Variants in RRAGD observed in about 807,000 individuals in gnomAD.
RRAGD encodes the protein Ras related GTP binding D, also known as ras-related GTP-binding protein D.
Under a neutral mutation model 35.5 loss-of-function variants are expected in RRAGD, and 12 were observed. The ratio of observed to expected loss-of-function variants is 0.34; its 90% CI spans 0.22 to 0.55. The LOEUF is 0.55. Among genes scored for constraint, RRAGD ranks in the 20% least tolerant of loss-of-function variants. RRAGD has a pLI of 0.91. For missense variants in RRAGD, 324 were observed against 490.1 expected, an observed-to-expected ratio of 0.66 and a Z score of 3.20; for synonymous variants, 155 against 178.9, an observed-to-expected ratio of 0.87 and a Z score of 1.07.
intron 1 of RRAGD, among the ~76,000 whole-genome samples, chr6:89,397,480 CT>C (rs1769359677): frequency 6.6e-6 from 1 of 152,012 alleles, no homozygotes; most frequent in Non-Finnish European, 1.5e-5. Context: ...CTGTAAACAC[CT>C]GTAGTCCAGC....
intron 1 of RRAGD, among the ~76,000 whole-genome samples, chr6:89,403,360 G>C (rs1769512336): frequency 6.6e-6 from 1 of 152,040 alleles, no homozygotes; most frequent in East Asian, 1.9e-4. Context: ...CAGGAGAATG[G>C]CGTGAACCCA....
intron 1 of RRAGD, among the ~76,000 whole-genome samples, chr6:89,400,937 T>G (rs1423664747): frequency 6.6e-6 from 1 of 152,154 alleles, no homozygotes; most frequent in Non-Finnish European, 1.5e-5. Flanking sequence ...TTGTTCTAAT[T>G]TCAGGAAGGT....
At chr6:89,409,367 C>T (rs959323975) in intron 1 of RRAGD, among the ~76,000 whole-genome samples, 1 of 152,178 alleles carries the variant, frequency 6.6e-6, no homozygotes, top group Non-Finnish European at 1.5e-5. Flanking sequence ...TCCCACGTCT[C>T]CACTAAGTGC....
At chr6:89,376,288 CCA>C (rs1404991664) in intron 5 of RRAGD, among the ~76,000 whole-genome samples, 1 of 138,480 alleles carries the variant, frequency 7.2e-6, no homozygotes, top group Non-Finnish European at 1.5e-5. Flanking sequence ...GTATCACTTT[CCA>C]TGTGTGTGTG....
At position 89,389,745 on chromosome 6, in the gene RRAGD, T is replaced by C. The variant is rs148397515; in HGVS notation, c.149-2155A>G. Among the ~76,000 whole-genome samples the C allele has an allele frequency of 9.9e-5, 15 of 152,274 alleles. No homozygotes were observed. The East Asian group carries it at 2.9e-3, about 29-fold the overall frequency. On this transcript the variant is annotated intron_variant, in intron 1 of 6. Coordinates refer to ENST00000369415, the MANE Select transcript of RRAGD (RefSeq NM_021244.5). The stretch of plus-strand genomic sequence containing the variant: ...ATATTTCACAGGAGTAAAGGAAGTA[T>C]AGACCGTGGTTCAGTGTTAAGGCTG...
Position 89,368,167 on chromosome 6 carries a change from A to G in RRAGD, c.1092T>C (p.Ile364=). ...DYNFHCFRKA[I]HEVFEVRMKV... ...TCATTCTCACCTCAAAAACTTCATG[A>G]ATGGCCTTCCGGAAGCAATGAAAAT... The change falls in exon 7 of 7, where the codon ATT becomes ATC. Residue 364 remains isoleucine, a synonymous_variant. Coordinates refer to ENST00000369415, the MANE Select transcript of RRAGD (RefSeq NM_021244.5). The G allele has an allele frequency of 1.2e-6, 2 of 1,614,054 alleles. No individual in the cohort carries two copies. The highest frequency in any genetic ancestry group is 1.7e-6 in the Non-Finnish European group (2 of 1,179,942).
intron 1 of RRAGD, among the ~76,000 whole-genome samples, chr6:89,408,466 C>T (rs1400368961): frequency 6.6e-6 from 1 of 152,190 alleles, no homozygotes; most frequent in African/African-American, 2.4e-5. Flanking sequence ...CCAGCCTAGG[C>T]AATATAGAGA....
rs761439510 is a variant in RRAGD, at chr6:89,379,185, A to G, written c.759+39T>C. The G allele has an allele frequency of 3.7e-6, 4 of 1,095,434 alleles. No individual in the cohort carries two copies. In the South Asian group the frequency reaches 5.6e-5, roughly 15 times the overall value. 67.9% of individuals were successfully genotyped at this position (1,095,434 alleles called of 1,614,324 possible). On this transcript the variant is annotated intron_variant, in intron 4 of 6. Transcript: ENST00000369415. ...TTCACTCTTGCAATGTTATTTTCAA[A>G]TTCTACAAGTGACTCAAACAGGAAT...
intron 1 of RRAGD, among the ~76,000 whole-genome samples, chr6:89,392,489 A>T (rs1209826681): frequency 6.6e-6 from 1 of 151,570 alleles, no homozygotes; most frequent in Non-Finnish European, 1.5e-5. Context: ...CGAAAAAAAA[A>T]AAAAAGAATA....
chr6:89,389,754 G>A (rs1769199377), intron 1 of RRAGD, among the ~76,000 whole-genome samples: 1 of 152,142 alleles, frequency 6.6e-6, no homozygotes, highest in Non-Finnish European at 1.5e-5. Flanking sequence ...ATAGACCGTG[G>A]TTCAGTGTTA....
Position 89,411,719 on chromosome 6 carries a change from C to A in RRAGD, c.148+127G>T, listed in dbSNP as rs1439530303. 9.1e-7 allele frequency: 1 copy of A among 1,094,702 alleles called. No homozygotes were observed. Among genetic ancestry groups the A allele is most frequent in the African/African-American group, 1.6e-5 (1 of 61,610 alleles). 67.8% of individuals were successfully genotyped at this position (1,094,702 alleles called of 1,614,324 possible). ...TTTGGCGTCCCTCCCCACCCCAAACCCTCAACTGGACCCGCTCCCCTGGAC... is the reference window on the plus strand; with the variant it reads ...TTTGGCGTCCCTCCCCACCCCAAACACTCAACTGGACCCGCTCCCCTGGAC... On this transcript the variant is annotated intron_variant, in intron 1 of 6. Transcript: ENST00000369415. The surrounding 1 kb of genome is among the most constrained non-coding windows in gnomAD (Gnocchi z 5.6).
chr6:89,398,661 T>C (rs184826875), intron 1 of RRAGD, among the ~76,000 whole-genome samples: 9 of 152,372 alleles, frequency 5.9e-5, no homozygotes, highest in Admixed American at 2.0e-4. Flanking sequence ...GGCTATCATG[T>C]ATGAAGGTGC....
chr6:89,371,208 GC>G (rs1162640384), intron 6 of RRAGD, among the ~76,000 whole-genome samples: 1 of 152,030 alleles, frequency 6.6e-6, no homozygotes, highest in African/African-American at 2.4e-5. Context: ...AGAGAGAAGG[GC>G]CAGACGTGGT....
In RRAGD at chr6:89,367,523, T is replaced by C. The variant is rs1423071053; in HGVS notation, c.*533A>G. 2 of 152,266 alleles carry C rather than the reference T, an allele frequency of 1.3e-5. No homozygotes were observed. Among genetic ancestry groups the C allele is most frequent in the Non-Finnish European group, 2.9e-5 (2 of 68,064 alleles). The allele number at this position is 152,266 out of a possible 1,614,324, so 9.4% of individuals were successfully genotyped here. A position where few individuals can be genotyped will look rare whatever the true frequency, so the allele number is the denominator to read the frequency against. ...GACAGTTCTTATTGCTCCTGGAGCT[T>C]GTAGCTCCAATCTGTTCCAGCTCCA... On this transcript the variant is annotated 3_prime_UTR_variant, in exon 7 of 7. Transcript: ENST00000369415.
chr6:89,365,427 T>G lies in RRAGD; in HGVS notation c.*2629A>C, dbSNP rs185960437. On this transcript the variant is annotated 3_prime_UTR_variant, in exon 7 of 7. Coordinates refer to ENST00000369415, the MANE Select transcript of RRAGD (RefSeq NM_021244.5). ...AGGATTTGTATTTATAGAATTAAAT[T>G]TGAGAATGAAACATGGCCATACACA... 103 of 152,316 alleles carry G rather than the reference T, an allele frequency of 6.8e-4. No individual in the cohort carries two copies. Among genetic ancestry groups the G allele is most frequent in the African/African-American group, 2.5e-3 (102 of 41,568 alleles). 9.4% of individuals were successfully genotyped at this position (152,316 alleles called of 1,614,324 possible). A position where few individuals can be genotyped will look rare whatever the true frequency, so the allele number is the denominator to read the frequency against.
At chr6:89,376,335 G>GTGTGTC (rs1433834031) in intron 5 of RRAGD, among the ~76,000 whole-genome samples, 1 of 136,390 alleles carries the variant, frequency 7.3e-6, no homozygotes, top group Non-Finnish European at 1.6e-5. Flanking sequence ...GTGTGTGTGT[G>GTGTGTC]TGTCTAACAG....
At position 89,367,999 on chromosome 6, in the gene RRAGD, T is replaced by G; in HGVS notation, c.*57A>C. 6.8e-7 allele frequency: 1 copy of G among 1,463,660 alleles called. No homozygotes were observed. Among genetic ancestry groups the G allele is most frequent in the Non-Finnish European group, 9.2e-7 (1 of 1,090,128 alleles). 90.7% of individuals were successfully genotyped at this position (1,463,660 alleles called of 1,614,324 possible). On this transcript the variant is annotated 3_prime_UTR_variant, in exon 7 of 7. Coordinates refer to ENST00000369415, the MANE Select transcript of RRAGD (RefSeq NM_021244.5). ...TTCTTCCTCTTCCTTTAGTGCAACA[T>G]GGCGCAGCAGCCTCATGGATAAGGT...
intron 1 of RRAGD, among the ~76,000 whole-genome samples, chr6:89,399,384 G>A (rs1241828894): frequency 6.6e-6 from 1 of 152,170 alleles, no homozygotes. Flanking sequence ...GCTGAGAAAG[G>A]GTGGCCTGGA....
At chr6:89,380,691 A>G (rs1035213441) in intron 2 of RRAGD, among the ~76,000 whole-genome samples, 1 of 152,126 alleles carries the variant, frequency 6.6e-6, no homozygotes, top group Non-Finnish European at 1.5e-5. Context: ...GTGGATCATG[A>G]GGTCAGGAGA....
Sources: gnomAD v4.1 joint callset for allele counts (sites outside exome capture counted in the v4.1 genomes callset) on GRCh38, gnomAD v4.1.1 for gene constraint, Gnocchi (gnomAD v3.1) non-coding constraint, MANE v1.5 for transcripts, NCBI Gene and HGNC (gene_info 2026-07-23, HGNC 2026-07-21) for gene names.